PCNX2: variants seen among roughly 807,000 people sequenced by gnomAD.
The protein encoded by PCNX2 is pecanex-like protein 2.
PCNX2 carries 168 observed loss-of-function variants against 223.8 expected under a neutral mutation model. The observed-to-expected ratio is 0.75, with a 90% confidence interval of 0.66 to 0.85. The LOEUF is 0.85. Among genes scored for constraint, PCNX2 ranks in the 40% least tolerant of loss-of-function variants. PCNX2 has a pLI of 0.00. For missense variants in PCNX2, 2,507 were observed against 2,675.5 expected, an observed-to-expected ratio of 0.94 and a Z score of 1.39; for synonymous variants, 1,006 against 1,052.6, an observed-to-expected ratio of 0.96 and a Z score of 0.86.
At chr1:233,063,805 C>T (rs987453586) in intron 23 of PCNX2, among the ~76,000 whole-genome samples, 1 of 152,076 alleles carries the variant, frequency 6.6e-6, no homozygotes, top group Non-Finnish European at 1.5e-5. Context: ...GTCTCTTAAC[C>T]TCCCTGGAAT....
chr1:233,061,516 G>A (rs1347191041), intron 23 of PCNX2, among the ~76,000 whole-genome samples: 1 of 152,126 alleles, frequency 6.6e-6, no homozygotes, highest in Non-Finnish European at 1.5e-5. Context: ...CTGGGCCTGG[G>A]TTTTGACTTT....
At chr1:233,088,809 C>T (rs180761556) in intron 23 of PCNX2, among the ~76,000 whole-genome samples, 2 of 152,302 alleles carry the variant, frequency 1.3e-5, no homozygotes, top group Admixed American at 6.5e-5. Context: ...AACCTCCCTG[C>T]GGAGCAGTCA....
intron 23 of PCNX2, among the ~76,000 whole-genome samples, chr1:233,070,307 T>C (rs1265090086): frequency 6.6e-6 from 1 of 152,154 alleles, no homozygotes; most frequent in Non-Finnish European, 1.5e-5. Context: ...ACAATAATTA[T>C]ACTTAATATC....
chr1:233,098,932 T>C (rs1465157099), intron 21 of PCNX2, among the ~76,000 whole-genome samples: 8 of 152,224 alleles, frequency 5.3e-5, no homozygotes. Flanking sequence ...ACATAAATGT[T>C]ACAAAAGAGT....
chr1:233,254,876 A>G (rs889043522), intron 5 of PCNX2, among the ~76,000 whole-genome samples: 12 of 152,192 alleles, frequency 7.9e-5, no homozygotes, highest in African/African-American at 2.7e-4. Flanking sequence ...CCCTGACTAT[A>G]AATTTACATT....
chr1:233,267,155 A>G (rs750475298), intron 1 of PCNX2, among the ~76,000 whole-genome samples: 7 of 152,116 alleles, frequency 4.6e-5, no homozygotes, highest in Non-Finnish European at 1.0e-4. Flanking sequence ...CCAGTCTACT[A>G]AAAACACAAA....
intron 23 of PCNX2, among the ~76,000 whole-genome samples, chr1:233,078,336 T>C (rs1283300659): frequency 6.6e-6 from 1 of 152,268 alleles, no homozygotes; most frequent in Non-Finnish European, 1.5e-5. Context: ...AAACCCTCAC[T>C]GTCCAGATGT....
chr1:233,206,226 A>G (rs1343993846), intron 13 of PCNX2, among the ~76,000 whole-genome samples: 2 of 152,168 alleles, frequency 1.3e-5, no homozygotes, highest in Non-Finnish European at 1.5e-5. Context: ...TGGAGTGCAG[A>G]GAGAGAAAAG....
intron 23 of PCNX2, among the ~76,000 whole-genome samples, chr1:233,068,949 C>G (rs1306170589): frequency 2.6e-5 from 4 of 151,998 alleles, no homozygotes; most frequent in Admixed American, 6.6e-5. Context: ...AATATTCTTA[C>G]TTACAAGAAA....
At chr1:233,135,237 T>C (rs780920572) in intron 20 of PCNX2, 47 bp from the exon 21 acceptor site, 10 of 1,534,786 alleles carry the variant, frequency 6.5e-6, no homozygotes, top group Non-Finnish European at 8.0e-6. Flanking sequence ...GTGTGCACAC[T>C]GCTGGATGAG....
At chr1:233,047,682 T>C (rs1319698598) in intron 25 of PCNX2, among the ~76,000 whole-genome samples, 1 of 152,088 alleles carries the variant, frequency 6.6e-6, no homozygotes, top group Non-Finnish European at 1.5e-5. Flanking sequence ...GCACCCAACA[T>C]TGGAGCACCC....
chr1:233,258,773 T>A lies in PCNX2; in HGVS notation c.1089A>T (p.Gln363His). Residue 363 changes from glutamine (Q) to histidine (H), a missense_variant, in exon 5 of 34, where the codon CAA becomes CAT. Physicochemically the swap from Gln to His is conservative, Grantham distance 24 (BLOSUM62 0). Around this residue, in one of 3 missense-constraint regions of PCNX2, gnomAD observed 1,031 missense variants for 1,021.7 expected, o/e 1.01. Coordinates refer to ENST00000258229, the MANE Select transcript of PCNX2 (RefSeq NM_014801.4). ...CATGTAGACTCAGTGGGTCTCCGGG[T>A]TGAGAAGTATCGATGAGAGTAACAG... ...EVAVTLIDTS[Q>H]PGDPLSLHEP... The A allele has an allele frequency of 2.5e-6, 4 of 1,613,804 alleles. No homozygotes were observed. Among genetic ancestry groups the A allele is most frequent in the Non-Finnish European group, 3.4e-6 (4 of 1,179,880 alleles).
the PCNX2 span, among the ~76,000 whole-genome samples, chr1:233,314,086 G>T: frequency 6.6e-6 from 1 of 152,174 alleles, no homozygotes. Context: ...TGTGATAACA[G>T]AAAATTGAAA....
intron 1 of PCNX2, chr1:233,288,867 A>C (rs938710247): frequency 1.6e-6 from 2 of 1,278,686 alleles, no homozygotes; most frequent in African/African-American, 3.0e-5. Flanking sequence ...TTTTGTTTAC[A>C]ATTGAAACTC....
At chr1:233,020,835 G>A (rs1022721143) in intron 26 of PCNX2, among the ~76,000 whole-genome samples, 5 of 152,180 alleles carry the variant, frequency 3.3e-5, no homozygotes, top group African/African-American at 1.2e-4. Context: ...TTCATACAGG[G>A]TGGGGGAACT....
intron 13 of PCNX2, among the ~76,000 whole-genome samples, chr1:233,208,032 C>T (rs1443874942): frequency 2.0e-5 from 3 of 152,032 alleles, no homozygotes; most frequent in South Asian, 2.1e-4. Context: ...CTTGGCTCAC[C>T]GCAACCTCTG....
At position 232,984,035 on chromosome 1, in the gene PCNX2, AG is replaced by A. The variant is rs373469650; in HGVS notation, c.*268del. ...TGGGCAGCGCTGTGCCTGGCCAGGG[AG>A]GTGTGGTGTGGCTTCTTTGTTGCTT... On this transcript the variant is annotated 3_prime_UTR_variant, in exon 34 of 34. Transcript: ENST00000258229. 191 of 308,578 alleles carry A rather than the reference AG, an allele frequency of 6.2e-4. 2 individuals carry two copies. The East Asian group carries it at 7.1e-3, about 11-fold the overall frequency. The allele number at this position is 308,578 out of a possible 1,614,324, so 19.1% of individuals were successfully genotyped here. A position where few individuals can be genotyped will look rare whatever the true frequency, so the allele number is the denominator to read the frequency against.
In PCNX2 at chr1:233,210,777, C is replaced by T. The variant is rs1681770440; in HGVS notation, c.2692-2088G>A. 2.0e-5 allele frequency among the ~76,000 whole-genome samples: 3 copies of T among 152,194 alleles called. No homozygotes were observed. In the South Asian group the frequency reaches 6.2e-4, roughly 31 times the overall value. ...TAAAAACTCATTTGACACCATCAGG[C>T]CCCATCTGCTTTTAACCTTAAAATA... On this transcript the variant is annotated intron_variant, in intron 12 of 33. Coordinates refer to ENST00000258229, the MANE Select transcript of PCNX2 (RefSeq NM_014801.4).
rs557721877 is a variant in PCNX2 at position 233,140,657 on chromosome 1, G to C, written c.3518-802C>G. On this transcript the variant is annotated intron_variant, in intron 19 of 33. Coordinates refer to ENST00000258229, the MANE Select transcript of PCNX2 (RefSeq NM_014801.4). ...GCATGCTTGCCCATCTGGGGAGCCC[G>C]TGCTTTTCTCTCTGGGGAGGAGGAG... 1.9e-4 allele frequency among the ~76,000 whole-genome samples: 29 copies of C among 152,312 alleles called. No homozygotes were observed. In the South Asian group the frequency reaches 5.8e-3, roughly 30 times the overall value.
Sources: gnomAD v4.1 joint callset for allele counts (sites outside exome capture counted in the v4.1 genomes callset) on GRCh38, gnomAD v4.1.1 for gene constraint, gnomAD v4.1.1 regional missense constraint, MANE v1.5 for transcripts, NCBI Gene and HGNC (gene_info 2026-07-23, HGNC 2026-07-21) for gene names.